ACSS3: variants seen among roughly 807,000 people sequenced by gnomAD.
ACSS3 encodes acyl-CoA synthetase short chain family member 3.
In ACSS3, 64 loss-of-function variants were observed where a neutral mutation model predicts 84.2. The observed-to-expected ratio is 0.76, with a 90% CI of 0.62 to 0.94. The LOEUF is 0.94. Ranked by LOEUF, ACSS3 falls within the 40% of genes least tolerant of loss-of-function variation. The pLI, the probability that ACSS3 is intolerant of heterozygous loss-of-function variation, is 0.00. For synonymous variants in ACSS3, 317 were observed against 310.1 expected, an observed-to-expected ratio of 1.02 and a Z score of -0.23; for missense variants, 815 against 867.6, an observed-to-expected ratio of 0.94 and a Z score of 0.76.
At chr12:81,184,993 A>G (rs2031169649) in intron 8 of ACSS3, among the ~76,000 whole-genome samples, 2 of 151,724 alleles carry the variant, frequency 1.3e-5, no homozygotes, top group Admixed American at 1.3e-4. Context: ...AAGTATTATC[A>G]AAACAAATCC....
chr12:81,157,830 A>G (rs1031168023), intron 7 of ACSS3, among the ~76,000 whole-genome samples: 5 of 151,986 alleles, frequency 3.3e-5, no homozygotes, highest in African/African-American at 1.2e-4. Flanking sequence ...ATAAATATAA[A>G]CAGAAATATA....
chr12:81,201,378 G>A (rs1226773617), intron 9 of ACSS3, among the ~76,000 whole-genome samples: 1 of 152,158 alleles, frequency 6.6e-6, no homozygotes, highest in African/African-American at 2.4e-5. Context: ...CCTCTTCAAG[G>A]TGACTGTGCC....
intron 13 of ACSS3, among the ~76,000 whole-genome samples, chr12:81,238,269 G>A (rs2033689776): frequency 6.9e-6 from 1 of 145,938 alleles, no homozygotes; most frequent in Non-Finnish European, 1.5e-5. Context: ...GATGGCCTCT[G>A]TCAATAGTTT....
intron 7 of ACSS3, among the ~76,000 whole-genome samples, chr12:81,162,782 C>T (rs537891696): frequency 1.1e-4 from 16 of 152,194 alleles, no homozygotes; most frequent in South Asian, 6.2e-4. Context: ...CTCCTGTGCT[C>T]GTTGACACCC....
intron 4 of ACSS3, among the ~76,000 whole-genome samples, chr12:81,142,559 A>C (rs1210206184): frequency 6.6e-6 from 1 of 152,230 alleles, no homozygotes; most frequent in African/African-American, 2.4e-5. Flanking sequence ...ACTGGATTTT[A>C]GTCTTCAAAA....
rs185283615 is a variant in ACSS3 at position 81,078,834 on chromosome 12, G to A, written c.311+403G>A. Among the ~76,000 whole-genome samples the A allele has an allele frequency of 1.9e-3, 282 of 152,294 alleles. 2 individuals carry two copies. Among genetic ancestry groups the A allele is most frequent in the African/African-American group, 5.0e-3 (207 of 41,538 alleles). Reference sequence around the variant, plus strand: ...AGTATCCTCCTACTATGGGGAGGGAGGGTTAAGAAAAGACTTCAATAAAAT... The same window carrying A: ...AGTATCCTCCTACTATGGGGAGGGAAGGTTAAGAAAAGACTTCAATAAAAT... On this transcript the variant is annotated intron_variant, in intron 1 of 15. Transcript: ENST00000548058.
At chr12:81,212,077 T>C (rs2032615129) in intron 9 of ACSS3, among the ~76,000 whole-genome samples, 1 of 152,072 alleles carries the variant, frequency 6.6e-6, no homozygotes, top group Non-Finnish European at 1.5e-5. Flanking sequence ...CTCAGGGAGG[T>C]CTTTCTTGTT....
chr12:81,176,593 C>T (rs776504019), intron 8 of ACSS3, among the ~76,000 whole-genome samples: 29 of 150,580 alleles, frequency 1.9e-4, no homozygotes, highest in South Asian at 4.2e-4. Flanking sequence ...AATAGTAATA[C>T]AAAAATAAAA....
chr12:81,212,695 GAAA>G (rs2135930411), intron 9 of ACSS3, among the ~76,000 whole-genome samples: 1 of 152,184 alleles, frequency 6.6e-6, no homozygotes, highest in Non-Finnish European at 1.5e-5. Flanking sequence ...ATTCATATTG[GAAA>G]AATATGTATC....
At chr12:81,195,307 T>C (rs1416777359) in intron 8 of ACSS3, among the ~76,000 whole-genome samples, 2 of 152,068 alleles carry the variant, frequency 1.3e-5, no homozygotes, top group African/African-American at 4.8e-5. Flanking sequence ...ATCAACATTA[T>C]GGCCTTTATA....
At chr12:81,167,763 G>T (rs763372416) in intron 7 of ACSS3, among the ~76,000 whole-genome samples, 50 of 152,212 alleles carry the variant, frequency 3.3e-4, no homozygotes, top group South Asian at 6.2e-4. Context: ...AATTTTGGGA[G>T]GCATGTTTCA....
intron 11 of ACSS3, among the ~76,000 whole-genome samples, chr12:81,225,093 T>C (rs2033228910): frequency 6.6e-6 from 1 of 151,824 alleles, no homozygotes. Flanking sequence ...AGTACTACCA[T>C]GGTTTCTCAG....
At chr12:81,078,616 A>G (rs979353344) in intron 1 of ACSS3, among the ~76,000 whole-genome samples, 185 bp downstream of exon 1, 41 of 152,170 alleles carry the variant, frequency 2.7e-4, no homozygotes, top group Non-Finnish European at 7.3e-5. Context: ...TCTGCTCTTG[A>G]GAGACCCTGT....
chr12:81,140,484 C>T (rs1305286863), intron 4 of ACSS3, among the ~76,000 whole-genome samples: 1 of 152,094 alleles, frequency 6.6e-6, no homozygotes, highest in Non-Finnish European at 1.5e-5. Context: ...TTTGAAAATA[C>T]TTAAATGACA....
intron 13 of ACSS3, among the ~76,000 whole-genome samples, chr12:81,242,572 C>A (rs2033843979): frequency 6.7e-6 from 1 of 150,362 alleles, no homozygotes; most frequent in Admixed American, 6.7e-5. Context: ...GAATTTTAGA[C>A]CAATATCATT....
chr12:81,134,962 A>G lies in ACSS3; in HGVS notation c.603A>G (p.Gly201=). ...IGAIHSLIFG[G]FASKELSSRI... Reference sequence around the variant, plus strand: ...CCATCCACAGTCTCATATTTGGAGGATTTGCTTCCAAAGAACTAAGTAGTC... The same window carrying G: ...CCATCCACAGTCTCATATTTGGAGGGTTTGCTTCCAAAGAACTAAGTAGTC... Residue 201 remains glycine, a synonymous_variant, in exon 3 of 16, where the codon GGA becomes GGG. Transcript: ENST00000548058. The G allele has an allele frequency of 6.2e-7, 1 of 1,606,166 alleles. No homozygotes were observed. Among genetic ancestry groups the G allele is most frequent in the Non-Finnish European group, 8.5e-7 (1 of 1,175,660 alleles).
At chr12:81,148,802 C>T (rs898435292) in intron 5 of ACSS3, among the ~76,000 whole-genome samples, 5 of 150,482 alleles carry the variant, frequency 3.3e-5, no homozygotes, top group African/African-American at 1.2e-4. Flanking sequence ...TGCATCATGC[C>T]TGTAATCCCA....
rs1344792329 is a variant in ACSS3, at chr12:81,078,421, T to C, written c.301T>C (p.Ser101Pro). ...TKTLENKHSP[S>P]TRWFVEGMLN... ...AACGCTGGAGAACAAACACTCGCCCTCTACCAGGTGGTGAGTGACTTCTGT... is the reference window on the plus strand; with the variant it reads ...AACGCTGGAGAACAAACACTCGCCCCCTACCAGGTGGTGAGTGACTTCTGT... The change falls in exon 1 of 16, where the codon TCT becomes CCT. Residue 101 changes from serine to proline, a missense_variant. By Grantham distance (74) the Ser-to-Pro change is moderately conservative (BLOSUM62 -1). Coordinates refer to ENST00000548058, the MANE Select transcript of ACSS3 (RefSeq NM_024560.4). 1 of 1,612,284 alleles carries C rather than the reference T, an allele frequency of 6.2e-7. No individual in the cohort carries two copies. Among genetic ancestry groups the C allele is most frequent in the Non-Finnish European group, 8.5e-7 (1 of 1,179,992 alleles).
At chr12:81,170,622 A>T (rs1176324784) in intron 7 of ACSS3, among the ~76,000 whole-genome samples, 2 of 152,072 alleles carry the variant, frequency 1.3e-5, no homozygotes, top group Admixed American at 1.3e-4. Flanking sequence ...GAGGAGCTTT[A>T]AAGTTGGTAT....
Sources: gnomAD v4.1 joint callset for allele counts (sites outside exome capture counted in the v4.1 genomes callset) on GRCh38, gnomAD v4.1.1 for gene constraint, MANE v1.5 for transcripts, NCBI Gene and HGNC (gene_info 2026-07-23, HGNC 2026-07-21) for gene names.